Variants in SAMMSON observed in about 807,000 individuals in gnomAD.
SAMMSON encodes the protein survival associated mitochondrial melanoma specific oncogenic non-coding RNA, also known as long intergenic non-protein coding RNA 1212.
chr3:70,193,981 G>C (rs1701152658), intron 4 of SAMMSON, among the ~76,000 whole-genome samples: 2 of 152,104 alleles, frequency 1.3e-5, no homozygotes, highest in African/African-American at 4.8e-5. Flanking sequence ...TATTAACTTT[G>C]ATTGTCCAGC....
At chr3:70,316,811 T>G (rs903572163) in intron 7 of SAMMSON, among the ~76,000 whole-genome samples, 2 of 152,090 alleles carry the variant, frequency 1.3e-5, no homozygotes, top group Admixed American at 1.3e-4. Flanking sequence ...AATTTAGGTA[T>G]GAAAAATAAC....
At chr3:70,138,462 T>G (rs1047338294) in intron 4 of SAMMSON, among the ~76,000 whole-genome samples, 7 of 152,118 alleles carry the variant, frequency 4.6e-5, no homozygotes, top group Non-Finnish European at 1.0e-4. Context: ...GAGGCTTTTT[T>G]TGTAATCCCA....
chr3:70,111,573 C>T (rs116616324), intron 4 of SAMMSON, among the ~76,000 whole-genome samples: 1,940 of 152,186 alleles, frequency 0.013, 29 homozygotes, highest in Non-Finnish European at 0.02. Context: ...TTACAAAGCA[C>T]ATGAGGAAGT....
At position 70,373,190 on chromosome 3, in the gene SAMMSON, G is replaced by C. The variant is rs1430917883; in HGVS notation, n.913+14866G>C. Among the ~76,000 whole-genome samples the C allele has an allele frequency of 4.0e-5, 6 of 151,654 alleles. No individual in the cohort carries two copies. In the South Asian group the frequency reaches 8.4e-4, roughly 21 times the overall value. On this transcript the variant is annotated intron_variant and non_coding_transcript_variant, in intron 9 of 9. Transcript: ENST00000642114. ...AGCATGTCTTCTGATTAAATATTCT[G>C]TTTTCCTTTACCTAGGAATGTCATT... is the stretch of plus-strand genomic sequence containing the variant.
intron 4 of SAMMSON, among the ~76,000 whole-genome samples, chr3:70,148,742 G>A (rs2067559424): frequency 6.6e-6 from 1 of 152,070 alleles, no homozygotes. Context: ...CTTGAGGGCA[G>A]CACCAAGCCA....
At chr3:70,261,925 CG>C (rs1489343921) in intron 6 of SAMMSON, among the ~76,000 whole-genome samples, 1 of 152,090 alleles carries the variant, frequency 6.6e-6, no homozygotes, top group Non-Finnish European at 1.5e-5. Context: ...TTACCATAAA[CG>C]GCCAAGTTTA....
Position 70,290,759 on chromosome 3 carries a change from G to A in SAMMSON, n.675-420G>A, listed in dbSNP as rs547141205. The stretch of plus-strand genomic sequence containing the variant: ...CGAGCCAGGTGCAGGTTATAATCTC[G>A]TGGTGCGCCGTTTTTTAAGCTTGTC... On this transcript the variant is annotated intron_variant and non_coding_transcript_variant, in intron 6 of 9. Coordinates refer to ENST00000642114, the Ensembl canonical transcript of SAMMSON. Among the ~76,000 whole-genome samples, 3 of 152,282 alleles carry A rather than the reference G, an allele frequency of 2.0e-5. No homozygotes were observed. The East Asian group carries it at 5.8e-4, about 30-fold the overall frequency.
At chr3:70,216,183 A>C (rs1438183420) in intron 4 of SAMMSON, among the ~76,000 whole-genome samples, 2 of 150,966 alleles carry the variant, frequency 1.3e-5, no homozygotes, top group African/African-American at 4.9e-5. Context: ...TTATATTTGC[A>C]TATTAGGATA....
chr3:70,283,061 A>G (rs1315742864), intron 6 of SAMMSON, among the ~76,000 whole-genome samples: 1 of 152,142 alleles, frequency 6.6e-6, no homozygotes, highest in Admixed American at 6.6e-5. Context: ...TGACTCAGGA[A>G]CCTCAGTATG....
chr3:70,163,274 A>G (rs898932506), intron 4 of SAMMSON, among the ~76,000 whole-genome samples: 1 of 150,062 alleles, frequency 6.7e-6, no homozygotes, highest in South Asian at 2.1e-4. Flanking sequence ...TAAGTGTACC[A>G]TTTACATTTC....
intron 4 of SAMMSON, among the ~76,000 whole-genome samples, chr3:70,123,569 C>T (rs1004294966): frequency 3.9e-5 from 6 of 152,190 alleles, no homozygotes; most frequent in Non-Finnish European, 2.9e-5. Context: ...CATGCCCAGC[C>T]GGGTAAGCTA....
intron 7 of SAMMSON, chr3:70,332,994 A>T (rs1702632866): frequency 6.6e-6 from 1 of 152,216 alleles, no homozygotes; most frequent in Non-Finnish European, 1.5e-5. Flanking sequence ...TTCCTTGACC[A>T]TTCAGCCTGA....
intron 3 of SAMMSON, among the ~76,000 whole-genome samples, chr3:70,028,426 C>G (rs780481044): frequency 6.6e-6 from 1 of 152,014 alleles, no homozygotes; most frequent in Non-Finnish European, 1.5e-5. Context: ...CAATTGCAGC[C>G]AGAGGGGTGA....
At chr3:70,125,285 T>A (rs1474321123) in intron 4 of SAMMSON, 2 of 1,290,486 alleles carry the variant, frequency 1.5e-6, no homozygotes, top group East Asian at 4.6e-5. Context: ...TGATGAAAAG[T>A]CAACATATCT....
intron 4 of SAMMSON, among the ~76,000 whole-genome samples, chr3:70,239,356 G>A (rs1000046421): frequency 2.0e-5 from 3 of 152,122 alleles, no homozygotes; most frequent in Non-Finnish European, 4.4e-5. Context: ...TGGAAGATTA[G>A]ACCCCAGCTG....
At chr3:70,021,693 A>G (rs776177249) in intron 3 of SAMMSON, among the ~76,000 whole-genome samples, 45 of 152,250 alleles carry the variant, frequency 3.0e-4, no homozygotes, top group South Asian at 4.1e-4. Context: ...AAAACCCATC[A>G]TCATTATATA....
chr3:70,285,040 A>G (rs186367415), intron 6 of SAMMSON, among the ~76,000 whole-genome samples: 8 of 147,328 alleles, frequency 5.4e-5, no homozygotes, highest in African/African-American at 7.5e-5. Context: ...TTTTTTACTT[A>G]TTTTTTTTTA....
At chr3:70,373,678 G>C (rs577609963) in intron 9 of SAMMSON, among the ~76,000 whole-genome samples, 2 of 152,090 alleles carry the variant, frequency 1.3e-5, no homozygotes, top group African/African-American at 2.4e-5. Context: ...AGAATGGCCA[G>C]TTTCTGTTGT....
chr3:70,143,519 C>T (rs1178799487), intron 4 of SAMMSON, among the ~76,000 whole-genome samples: 2 of 152,128 alleles, frequency 1.3e-5, no homozygotes, highest in African/African-American at 2.4e-5. Context: ...CTATTCTTCT[C>T]TACCCTGTTC....
Sources: gnomAD v4.1 joint callset for allele counts (sites outside exome capture counted in the v4.1 genomes callset) on GRCh38, gnomAD v4.1.1 for gene constraint, MANE v1.5 for transcripts, NCBI Gene and HGNC (gene_info 2026-07-23, HGNC 2026-07-21) for gene names.